NDUFS4: variants seen among roughly 807,000 people sequenced by gnomAD.
NDUFS4 encodes the protein NADH:ubiquinone oxidoreductase subunit S4.
NDUFS4 carries 28 observed loss-of-function variants against 24.3 expected under a neutral mutation model. The observed-to-expected ratio is 1.15, with a 90% CI of 0.85 to 1.58. The LOEUF (loss-of-function observed/expected upper bound fraction) is 1.58, where lower values mean the gene tolerates loss of function less well. Among genes scored for constraint, NDUFS4 ranks in the 40% most tolerant of loss-of-function variants. The probability of loss-of-function intolerance (pLI) is 0.00; values close to 1 mark genes in which losing one functional copy is unlikely to be tolerated. For missense variants in NDUFS4, 223 were observed against 207.9 expected, an observed-to-expected ratio of 1.07 and a Z score of -0.45; for synonymous variants, 93 against 69.7, an observed-to-expected ratio of 1.34 and a Z score of -1.67.
At chr5:53,664,389 T>C (rs970782809) in intron 4 of NDUFS4, among the ~76,000 whole-genome samples, 5 of 152,138 alleles carry the variant, frequency 3.3e-5, no homozygotes, top group African/African-American at 9.7e-5. Flanking sequence ...CTTTGCTAGA[T>C]TGGGGAAGTT....
chr5:53,602,162 T>C (rs113095553), intron 1 of NDUFS4, among the ~76,000 whole-genome samples: 7 of 152,342 alleles, frequency 4.6e-5, no homozygotes, highest in African/African-American at 1.7e-4. Context: ...TCTTGTAATA[T>C]GTGGATTTGT....
At chr5:53,640,191 T>G (rs773775149) in intron 2 of NDUFS4, among the ~76,000 whole-genome samples, 1 of 151,674 alleles carries the variant, frequency 6.6e-6, no homozygotes, top group African/African-American at 2.4e-5. Flanking sequence ...AAGTGGAAAG[T>G]GAAGGATTCT....
chr5:53,625,330 C>T (rs1024431166), intron 2 of NDUFS4, among the ~76,000 whole-genome samples: 2 of 151,956 alleles, frequency 1.3e-5, no homozygotes, highest in Non-Finnish European at 2.9e-5. Context: ...TTTTGTTATA[C>T]TGTGTTTTTG....
intron 1 of NDUFS4, among the ~76,000 whole-genome samples, chr5:53,582,245 T>TAAAA (rs764997051): frequency 0.035 from 4,875 of 139,718 alleles, 111 homozygotes; most frequent in Non-Finnish European, 0.039. Flanking sequence ...TAAAATAAAA[T>TAAAA]TAAATTAAAA....
intron 1 of NDUFS4, among the ~76,000 whole-genome samples, chr5:53,599,443 T>C (rs1265174407): frequency 6.6e-6 from 1 of 152,166 alleles, no homozygotes; most frequent in Non-Finnish European, 1.5e-5. Context: ...TATACTAAAA[T>C]GTTGTAAAAG....
intron 2 of NDUFS4, among the ~76,000 whole-genome samples, chr5:53,612,724 G>A (rs1051772691): frequency 5.9e-5 from 9 of 152,030 alleles, no homozygotes; most frequent in Admixed American, 2.0e-4. Flanking sequence ...ATTAGCACAC[G>A]GTACTGGTAG....
intron 3 of NDUFS4, among the ~76,000 whole-genome samples, chr5:53,648,316 G>A (rs1361435914): frequency 6.6e-6 from 1 of 152,110 alleles, no homozygotes; most frequent in Non-Finnish European, 1.5e-5. Flanking sequence ...ACCTGGCCTG[G>A]AAATTGTTAG....
At chr5:53,596,443 T>TAATAA (rs776773166) in intron 1 of NDUFS4, among the ~76,000 whole-genome samples, 2 of 152,112 alleles carry the variant, frequency 1.3e-5, no homozygotes, top group Admixed American at 6.6e-5. Context: ...AAAAAGTAAA[T>TAATAA]AATAAAATAA....
chr5:53,593,987 A>T (rs1750054899), intron 1 of NDUFS4, among the ~76,000 whole-genome samples: 1 of 152,066 alleles, frequency 6.6e-6, no homozygotes, highest in Non-Finnish European at 1.5e-5. Flanking sequence ...TGAATGTTTC[A>T]CTTGAGTTTG....
chr5:53,651,000 A>G (rs752365006), intron 3 of NDUFS4, among the ~76,000 whole-genome samples: 3 of 152,182 alleles, frequency 2.0e-5, no homozygotes, highest in Non-Finnish European at 4.4e-5. Context: ...GATATACTAT[A>G]TGTTTGGGAG....
chr5:53,654,370 A>G (rs776276136), intron 3 of NDUFS4, among the ~76,000 whole-genome samples: 2 of 152,046 alleles, frequency 1.3e-5, no homozygotes, highest in African/African-American at 4.8e-5. Context: ...CATCCACCCA[A>G]TCTGTGGAAT....
intron 2 of NDUFS4, among the ~76,000 whole-genome samples, chr5:53,626,346 T>TAC (rs1751225392): frequency 6.6e-6 from 1 of 152,124 alleles, no homozygotes; most frequent in African/African-American, 2.4e-5. Context: ...GCAATAAACA[T>TAC]GTGTGCCTGT....
intron 3 of NDUFS4, among the ~76,000 whole-genome samples, chr5:53,651,042 G>A (rs905759517): frequency 1.3e-5 from 2 of 152,110 alleles, no homozygotes; most frequent in South Asian, 2.1e-4. Context: ...TAGTTTTGCC[G>A]AAGTAAAAAG....
At position 53,683,221 on chromosome 5, in the gene NDUFS4, G is replaced by A; in HGVS notation, c.528G>A (p.Ter176=). ...WNKRTRVSTK[*] ...AAAGAACAAGAGTATCCACAAAATA[G>A]GTTGGCACTGACTATATCTCTGCTT... The change falls in exon 5 of 5, where the codon TAG becomes TAA. Residue 176 remains the stop codon, a stop_retained_variant. Transcript: ENST00000296684. The A allele has an allele frequency of 6.3e-7, 1 of 1,584,600 alleles. No individual in the cohort carries two copies. The highest frequency in any genetic ancestry group is 8.7e-7 in the Non-Finnish European group (1 of 1,153,654).
chr5:53,577,925 T>A (rs1400302433), intron 1 of NDUFS4, among the ~76,000 whole-genome samples: 1 of 152,206 alleles, frequency 6.6e-6, no homozygotes, highest in African/African-American at 2.4e-5. Context: ...TCCTAGATGA[T>A]CTAATTCTCC....
chr5:53,682,372 CCTTA>C (rs1393262270), intron 4 of NDUFS4, among the ~76,000 whole-genome samples: 2 of 151,334 alleles, frequency 1.3e-5, no homozygotes, highest in African/African-American at 4.9e-5. Flanking sequence ...GATTAGCGGC[CCTTA>C]CTTTTTTATG....
intron 4 of NDUFS4, among the ~76,000 whole-genome samples, chr5:53,667,078 A>G (rs1178235934): frequency 2.6e-5 from 4 of 152,198 alleles, no homozygotes; most frequent in Non-Finnish European, 5.9e-5. Context: ...TTTATTTAAC[A>G]TGTAGCATTC....
chr5:53,636,141 C>T (rs535881926), intron 2 of NDUFS4, among the ~76,000 whole-genome samples: 6 of 152,308 alleles, frequency 3.9e-5, no homozygotes, highest in African/African-American at 1.4e-4. Context: ...ACTTCAGCCT[C>T]CCTAGGAGCT....
At chr5:53,668,815 A>G (rs138921216) in intron 4 of NDUFS4, among the ~76,000 whole-genome samples, 17 of 152,180 alleles carry the variant, frequency 1.1e-4, no homozygotes, top group African/African-American at 4.1e-4. Context: ...GGTAATAAGT[A>G]TTGTCACCAC....
Sources: allele counts gnomAD v4.1 joint callset (sites outside exome capture counted in the v4.1 genomes callset), GRCh38; gene constraint gnomAD v4.1.1; transcripts MANE v1.5; gene names NCBI Gene and HGNC (gene_info 2026-07-23, HGNC 2026-07-21).